Variants in NFE2L2 observed in about 807,000 individuals in gnomAD.
The protein encoded by NFE2L2 is nuclear factor erythroid 2-related factor 2.
NFE2L2 carries 20 observed loss-of-function variants against 49.6 expected under a neutral mutation model. The ratio of observed to expected loss-of-function variants is 0.40; its 90% CI spans 0.28 to 0.59. The LOEUF is 0.59. Among genes scored for constraint, NFE2L2 ranks in the 20% least tolerant of loss-of-function variants. The pLI is 0.40. For synonymous variants in NFE2L2, 244 were observed against 256.5 expected, an observed-to-expected ratio of 0.95 and a Z score of 0.47; for missense variants, 578 against 714.2, an observed-to-expected ratio of 0.81 and a Z score of 2.17.
Position 177,248,195 on chromosome 2 carries a change from A to C in NFE2L2, c.46-13924T>G, listed in dbSNP as rs376688453. On this transcript the variant is annotated intron_variant, in intron 1 of 4. Coordinates refer to ENST00000397062, the MANE Select transcript of NFE2L2 (RefSeq NM_006164.5). ...GGTCTGACCTAACTGAGCAGAATCC[A>C]GGGGTGGGTGGTTGTCACCTGGTCA... 3.3e-5 allele frequency among the ~76,000 whole-genome samples: 5 copies of C among 152,318 alleles called. No homozygotes were observed. The South Asian group carries it at 1.0e-3, about 32-fold the overall frequency.
intron 1 of NFE2L2, among the ~76,000 whole-genome samples, chr2:177,249,933 T>C (rs1558988406): frequency 6.6e-6 from 1 of 152,226 alleles, no homozygotes; most frequent in East Asian, 1.9e-4. Context: ...AAACCTACAA[T>C]GTGGTCCTCC....
At chr2:177,255,568 T>G (rs952444087) in intron 1 of NFE2L2, among the ~76,000 whole-genome samples, 4 of 152,096 alleles carry the variant, frequency 2.6e-5, no homozygotes, top group African/African-American at 9.7e-5. Flanking sequence ...TGATTTTTCT[T>G]TTTTTCATTG....
intron 1 of NFE2L2, among the ~76,000 whole-genome samples, chr2:177,240,716 A>C (rs1689913288): frequency 6.6e-6 from 1 of 152,248 alleles, no homozygotes; most frequent in South Asian, 2.1e-4. Flanking sequence ...ACTTTAAAAC[A>C]AACATCTTTG....
intron 1 of NFE2L2, among the ~76,000 whole-genome samples, chr2:177,254,472 G>A (rs1268263439): frequency 7.2e-5 from 11 of 152,178 alleles, no homozygotes; most frequent in African/African-American, 1.7e-4. Context: ...GTCTCTAGAA[G>A]TCCATGCACC....
At chr2:177,260,407 T>C (rs1343731708) in intron 1 of NFE2L2, among the ~76,000 whole-genome samples, 1 of 152,140 alleles carries the variant, frequency 6.6e-6, no homozygotes, top group Admixed American at 6.5e-5. Flanking sequence ...TTCAGACAAA[T>C]AAGACAATAA....
chr2:177,256,308 T>C (rs532148821), intron 1 of NFE2L2, among the ~76,000 whole-genome samples: 18 of 152,152 alleles, frequency 1.2e-4, no homozygotes, highest in Non-Finnish European at 2.1e-4. Flanking sequence ...TTTACATCCA[T>C]GTGCAGTATT....
Position 177,232,501 on chromosome 2 carries a change from G to A in NFE2L2, c.485C>T (p.Ala162Val). ...AGCAACAGAAGTTTCAGGTGACTGA[G>A]CCTGATTAGTAGCAATGAAGACTGG... The part of the protein sequence containing the change: ...ESPVFIATNQ[A>V]QSPETSVAQV... Residue 162 changes from alanine (A) to valine (V), a missense_variant, in exon 4 of 5, where the codon GCT (alanine) becomes GTT (valine). Coordinates refer to ENST00000397062, the MANE Select transcript of NFE2L2 (RefSeq NM_006164.5). The A allele has an allele frequency of 6.2e-6, 10 of 1,614,150 alleles. No individual in the cohort carries two copies. Among genetic ancestry groups the A allele is most frequent in the Non-Finnish European group, 8.5e-6 (10 of 1,179,992 alleles).
At chr2:177,241,270 CCT>C (rs1553489090) in intron 1 of NFE2L2, among the ~76,000 whole-genome samples, 3 of 152,064 alleles carry the variant, frequency 2.0e-5, no homozygotes, top group Non-Finnish European at 2.9e-5. Context: ...ATGTTATTCC[CCT>C]GAGATCCTTC....
In NFE2L2 at chr2:177,231,628, G is replaced by A. The variant is rs750904405; in HGVS notation, c.975C>T (p.Cys325=). ...GPIDVSDLSL[C]KAFNQNHPES... ...CAGGGTGGTTTTGGTTGAAAGCTTT[G>A]CAAAGTGATAGATCAGAAACATCAA... The change falls in exon 5 of 5, where the codon TGC becomes TGT. Residue 325 remains cysteine, a synonymous_variant. Coordinates refer to ENST00000397062, the MANE Select transcript of NFE2L2 (RefSeq NM_006164.5). 1.2e-6 allele frequency: 2 copies of A among 1,614,192 alleles called. No individual in the cohort carries two copies. Among genetic ancestry groups the A allele is most frequent in the Admixed American group, 1.7e-5 (1 of 60,024 alleles).
chr2:177,244,168 G>A (rs980642240), intron 1 of NFE2L2, among the ~76,000 whole-genome samples: 7 of 151,854 alleles, frequency 4.6e-5, no homozygotes, highest in Non-Finnish European at 1.0e-4. Context: ...AGGCATGGTG[G>A]CGGGTGCCTG....
At chr2:177,246,902 C>G (rs1553489855) in intron 1 of NFE2L2, among the ~76,000 whole-genome samples, 2 of 150,888 alleles carry the variant, frequency 1.3e-5, no homozygotes, top group Non-Finnish European at 2.9e-5. Context: ...CCAGACTTTG[C>G]CTCACTATTT....
chr2:177,250,996 C>T (rs1479948660), intron 1 of NFE2L2, among the ~76,000 whole-genome samples: 1 of 152,214 alleles, frequency 6.6e-6, no homozygotes, highest in Non-Finnish European at 1.5e-5. Flanking sequence ...ATAAATTCAG[C>T]TCCTGTTGCA....
chr2:177,259,153 T>G (rs545830728), intron 1 of NFE2L2, among the ~76,000 whole-genome samples: 124 of 151,970 alleles, frequency 8.2e-4, no homozygotes, highest in Non-Finnish European at 1.4e-3. Flanking sequence ...AATACAAAAA[T>G]TAACCGGGCG....
intron 1 of NFE2L2, among the ~76,000 whole-genome samples, chr2:177,258,851 C>T (rs112641523): frequency 3.5e-4 from 54 of 152,282 alleles, no homozygotes; most frequent in African/African-American, 1.2e-3. Flanking sequence ...GAGTTCAGAG[C>T]TTGTCAGTGT....
intron 4 of NFE2L2, 184 bp from the exon 5 acceptor site, chr2:177,232,192 G>T: frequency 1.1e-6 from 1 of 894,216 alleles, no homozygotes; most frequent in Non-Finnish European, 1.6e-6. Context: ...ATTATTTTCA[G>T]AGTTCCCAGA....
intron 1 of NFE2L2, among the ~76,000 whole-genome samples, chr2:177,258,982 T>C (rs1690629684): frequency 6.6e-6 from 1 of 152,154 alleles, no homozygotes; most frequent in Non-Finnish European, 1.5e-5. Context: ...CTGTAATGAC[T>C]CTCAAGAGTC....
chr2:177,234,243 C>T lies in NFE2L2; in HGVS notation c.74G>A (p.Arg25Lys), dbSNP rs1558981030. 6.2e-7 allele frequency: 1 copy of T among 1,612,204 alleles called. No homozygotes were observed. Among genetic ancestry groups the T allele is most frequent in the African/African-American group, 1.3e-5 (1 of 74,812 alleles). ...QDMDLIDILW[R>K]QDIDLGVSRE... ...ACTTACTCCAAGATCTATATCTTGC[C>T]TCCAAAGTATGTCAATCAAATCCAT... The change falls in exon 2 of 5, where the codon AGG (arginine) becomes AAG (lysine). Residue 25 changes from arginine (R) to lysine (K), a missense_variant. Arg to Lys is a conservative substitution (Grantham distance 26). Coordinates refer to ENST00000397062, the MANE Select transcript of NFE2L2 (RefSeq NM_006164.5).
At chr2:177,243,291 T>A (rs1212820414) in intron 1 of NFE2L2, among the ~76,000 whole-genome samples, 1 of 152,122 alleles carries the variant, frequency 6.6e-6, no homozygotes, top group African/African-American at 2.4e-5. Flanking sequence ...GTGGCTCAGA[T>A]CTCCACCTTG....
Position 177,258,123 on chromosome 2 carries a change from C to A in NFE2L2, c.45+6409G>T, listed in dbSNP as rs558673538. On this transcript the variant is annotated intron_variant, in intron 1 of 4. Coordinates refer to ENST00000397062, the MANE Select transcript of NFE2L2 (RefSeq NM_006164.5). ...AAATACTGATGGTGAGTCTAATATA[C>A]AACAGTTTGAGAACCACTGCTGTAA... Among the ~76,000 whole-genome samples, 57 of 152,200 alleles carry A rather than the reference C, an allele frequency of 3.7e-4. 1 individual carries two copies. The highest frequency in any genetic ancestry group is 3.4e-3 in the Middle Eastern group (1 of 292).
Sources: allele counts gnomAD v4.1 joint callset (sites outside exome capture counted in the v4.1 genomes callset), GRCh38; gene constraint gnomAD v4.1.1; transcripts MANE v1.5; gene names NCBI Gene and HGNC (gene_info 2026-07-23, HGNC 2026-07-21).